Variants in CADM2 observed in about 807,000 individuals in gnomAD.
CADM2 encodes the protein cell adhesion molecule 2.
In CADM2, 12 loss-of-function variants were observed where a neutral mutation model predicts 49.8. The observed-to-expected ratio is 0.24, with a 90% confidence interval of 0.15 to 0.39. CADM2 has a LOEUF of 0.39. Ranked by LOEUF, CADM2 falls within the 10% of genes least tolerant of loss-of-function variation. The pLI is 1.00. For missense variants in CADM2, 378 were observed against 492.3 expected, an observed-to-expected ratio of 0.77 and a Z score of 2.20; for synonymous variants, 214 against 175.4, an observed-to-expected ratio of 1.22 and a Z score of -1.74.
chr3:85,853,518 G>T (rs753840162), intron 3 of CADM2, among the ~76,000 whole-genome samples: 1 of 151,896 alleles, frequency 6.6e-6, no homozygotes, highest in Non-Finnish European at 1.5e-5. Flanking sequence ...TTATTAAATT[G>T]CTAGAATGTC....
chr3:85,144,375 C>A (rs577296796), intron 1 of CADM2, among the ~76,000 whole-genome samples: 1 of 151,966 alleles, frequency 6.6e-6, no homozygotes, highest in South Asian at 2.1e-4. Context: ...TTTTGGGAGA[C>A]CGAGGCGGGC....
chr3:85,126,049 C>T (rs1245440775), intron 1 of CADM2, among the ~76,000 whole-genome samples: 1 of 152,054 alleles, frequency 6.6e-6, no homozygotes, highest in Non-Finnish European at 1.5e-5. Context: ...ATATACATTA[C>T]TATGATCTAT....
chr3:85,827,385 G>C (rs942734531), intron 3 of CADM2, among the ~76,000 whole-genome samples: 13 of 151,768 alleles, frequency 8.6e-5, no homozygotes, highest in African/African-American at 3.1e-4. Flanking sequence ...TACTTTTTCA[G>C]GTGCTTGTAG....
chr3:85,771,487 C>T (rs2070082615), intron 2 of CADM2, among the ~76,000 whole-genome samples: 1 of 151,996 alleles, frequency 6.6e-6, no homozygotes, highest in South Asian at 2.1e-4. Context: ...ATATATATCT[C>T]CCTGATATTA....
At chr3:85,090,758 T>A (rs1575842049) in intron 1 of CADM2, among the ~76,000 whole-genome samples, 1 of 152,170 alleles carries the variant, frequency 6.6e-6, no homozygotes, top group Non-Finnish European at 1.5e-5. Context: ...TAGATTCTCA[T>A]AGAAGTGCAA....
At chr3:85,230,006 T>TA (rs548720184) in intron 1 of CADM2, among the ~76,000 whole-genome samples, 68 of 152,278 alleles carry the variant, frequency 4.5e-4, no homozygotes, top group African/African-American at 1.6e-3. Context: ...GGTCTCAGGA[T>TA]AAAATGTCCT....
rs1358126059 is a variant in CADM2, at chr3:85,712,221, T to C, written c.62-14301T>C. On this transcript the variant is annotated intron_variant, in intron 1 of 9. Transcript: ENST00000383699. ...TATTGCTTTGTATTCATAATTGTTT[T>C]CATATAGTCTTTCTCCTAAAATAGT... is the stretch of plus-strand genomic sequence containing the variant. Among the ~76,000 whole-genome samples, 37 of 152,222 alleles carry C rather than the reference T, an allele frequency of 2.4e-4. 1 individual carries two copies. The highest frequency in any genetic ancestry group is 1.8e-3 in the Admixed American group (27 of 15,290).
chr3:85,782,733 A>T (rs908569936), intron 2 of CADM2, among the ~76,000 whole-genome samples: 17 of 152,084 alleles, frequency 1.1e-4, no homozygotes, highest in Admixed American at 1.0e-3. Flanking sequence ...CCTTAAATTA[A>T]TGTATTGCTT....
chr3:85,817,236 A>G (rs911903771), intron 3 of CADM2, among the ~76,000 whole-genome samples: 3 of 152,216 alleles, frequency 2.0e-5, no homozygotes, highest in African/African-American at 4.8e-5. Context: ...GGACTGAAGT[A>G]CAAATGGAAA....
At chr3:85,739,807 TA>T (rs1168720811) in intron 2 of CADM2, among the ~76,000 whole-genome samples, 1 of 152,162 alleles carries the variant, frequency 6.6e-6, no homozygotes, top group African/African-American at 2.4e-5. Context: ...TTGGTAACTT[TA>T]AAAACAACAA....
At chr3:85,137,442 AT>A (rs756542564) in intron 1 of CADM2, among the ~76,000 whole-genome samples, 18 of 152,150 alleles carry the variant, frequency 1.2e-4, no homozygotes, top group Non-Finnish European at 2.7e-4. Flanking sequence ...AACACAACGT[AT>A]TTCCCTAAAT....
intron 8 of CADM2, chr3:85,979,410 A>C: frequency 9.8e-7 from 1 of 1,022,686 alleles, no homozygotes; most frequent in Non-Finnish European, 1.4e-6. Flanking sequence ...AGTCACCTAA[A>C]TTGCTATCAA....
At chr3:85,863,991 T>C (rs2108330680) in intron 3 of CADM2, among the ~76,000 whole-genome samples, 1 of 152,180 alleles carries the variant, frequency 6.6e-6, no homozygotes, top group South Asian at 2.1e-4. Flanking sequence ...CGTGTATTGG[T>C]TATGAAAACG....
At chr3:85,685,395 G>T (rs1291507510) in intron 1 of CADM2, among the ~76,000 whole-genome samples, 3 of 151,962 alleles carry the variant, frequency 2.0e-5, no homozygotes, top group Non-Finnish European at 4.4e-5. Context: ...CTATTTTTTT[G>T]GATAAATACA....
At chr3:85,252,930 G>T (rs985755963) in intron 1 of CADM2, among the ~76,000 whole-genome samples, 3 of 151,944 alleles carry the variant, frequency 2.0e-5, no homozygotes, top group Non-Finnish European at 4.4e-5. Context: ...TTTGCAAATT[G>T]TATGATTTTA....
chr3:85,746,261 T>A (rs571723308), intron 2 of CADM2, among the ~76,000 whole-genome samples: 2 of 152,342 alleles, frequency 1.3e-5, no homozygotes, highest in South Asian at 2.1e-4. Context: ...GCAAGATTCC[T>A]TCTTGCTCAT....
intron 2 of CADM2, among the ~76,000 whole-genome samples, chr3:85,741,633 A>C (rs557754635): frequency 6.6e-6 from 1 of 152,200 alleles, no homozygotes; most frequent in Non-Finnish European, 1.5e-5. Flanking sequence ...GTGCCATTGC[A>C]CTCCAGCCTG....
Position 85,601,839 on chromosome 3 carries a change from T to G in CADM2, c.62-124683T>G, listed in dbSNP as rs542006898. Among the ~76,000 whole-genome samples the G allele has an allele frequency of 2.1e-3, 313 of 151,906 alleles. 1 individual carries two copies. The highest frequency in any genetic ancestry group is 3.0e-3 in the Non-Finnish European group (203 of 67,786). On this transcript the variant is annotated intron_variant, in intron 1 of 9. Coordinates refer to ENST00000383699, the MANE Select transcript of CADM2 (RefSeq NM_001167675.2). ...CATATTCTCTTCTTAATTGTGTCTG[T>G]TTTTCGTTTCTGTTTCTTTTAGTCA...
chr3:85,401,013 T>C (rs1444166996), intron 1 of CADM2, among the ~76,000 whole-genome samples: 1 of 152,212 alleles, frequency 6.6e-6, no homozygotes, highest in African/African-American at 2.4e-5. Context: ...GGCTCAATGC[T>C]TTACTTTCAG....
Sources: allele counts gnomAD v4.1 joint callset (sites outside exome capture counted in the v4.1 genomes callset), GRCh38; gene constraint gnomAD v4.1.1; transcripts MANE v1.5; gene names NCBI Gene and HGNC (gene_info 2026-07-23, HGNC 2026-07-21).